Variants in CTBP2 observed in about 807,000 individuals in gnomAD.
The protein encoded by CTBP2 is C-terminal-binding protein 2.
In CTBP2, 30 loss-of-function variants were observed where a neutral mutation model predicts 80.3. That is an observed-to-expected ratio of 0.37 (90% CI 0.28 to 0.51). CTBP2 has a LOEUF of 0.51. Among genes scored for constraint, CTBP2 ranks in the 20% least tolerant of loss-of-function variants. CTBP2 has a pLI of 0.93. For synonymous variants in CTBP2, 594 were observed against 587.4 expected (o/e 1.01, Z -0.16); for missense variants, 1,212 against 1,375.3 (o/e 0.88, Z 1.88).
chr10:124,996,040 ATTTC>A (rs1953464481), intron 4 of CTBP2: 3 of 105,410 alleles, frequency 2.8e-5, no homozygotes, highest in South Asian at 3.2e-4. Flanking sequence ...GCCGACGGCT[ATTTC>A]TTTGTTTTTT....
At chr10:125,109,881 G>C (rs1414593774) in intron 2 of CTBP2, among the ~76,000 whole-genome samples, 2 of 152,260 alleles carry the variant, frequency 1.3e-5, no homozygotes, top group Non-Finnish European at 2.9e-5. Context: ...GCAATATTTG[G>C]AGGTCTAGGT....
intron 1 of CTBP2, among the ~76,000 whole-genome samples, chr10:125,014,845 A>G (rs1956307705): frequency 6.6e-6 from 1 of 152,258 alleles, no homozygotes; most frequent in Non-Finnish European, 1.5e-5. Flanking sequence ...AGCCACCAGC[A>G]GCCGCCTTGG....
At chr10:125,115,414 C>G (rs2135969936) in intron 1 of CTBP2, among the ~76,000 whole-genome samples, 1 of 152,268 alleles carries the variant, frequency 6.6e-6, no homozygotes, top group East Asian at 1.9e-4. Flanking sequence ...TGGGAAGGGA[C>G]AAGGGAAAGA....
chr10:125,004,905 G>A (rs1955026137), intron 1 of CTBP2, among the ~76,000 whole-genome samples: 1 of 151,982 alleles, frequency 6.6e-6, no homozygotes, highest in Non-Finnish European at 1.5e-5. Context: ...TCATCTGTGT[G>A]GCCTCGCCTT....
At position 125,010,219 on chromosome 10, in the gene CTBP2, T is replaced by TTA. The variant is rs552007928; in HGVS notation, c.1679-6728_1679-6727insTA. On this transcript the variant is annotated intron_variant, in intron 1 of 8. Coordinates refer to ENST00000309035, the MANE Select transcript of CTBP2 (RefSeq NM_022802.3). ...GCTAAGAGTGGCACTATTTTAAGGT[T>TTA]AAAAAAAAAAAAAAAAAAAAAAAGC... Among the ~76,000 whole-genome samples, 686 of 105,998 alleles carry TTA rather than the reference T, an allele frequency of 6.5e-3. 9 individuals are homozygous for TTA. Among genetic ancestry groups the TTA allele is most frequent in the African/African-American group, 0.024 (655 of 27,228 alleles). 69.5% of individuals were successfully genotyped at this position (105,998 alleles called of 152,430 possible). A position where few individuals can be genotyped will look rare whatever the true frequency, so the allele number is the denominator to read the frequency against.
At chr10:125,017,389 C>A (rs970805715) in intron 1 of CTBP2, among the ~76,000 whole-genome samples, 7 of 152,188 alleles carry the variant, frequency 4.6e-5, no homozygotes, top group Non-Finnish European at 8.8e-5. Flanking sequence ...CAGTGTGATT[C>A]TTCTATGTGA....
At chr10:124,993,824 GCTC>G in intron 6 of CTBP2, 28 bp downstream of exon 8, 1 of 1,598,006 alleles carries the variant, frequency 6.3e-7, no homozygotes, top group East Asian at 2.2e-5. Context: ...GGCCCTGTGG[GCTC>G]CTGGTAGGCG....
chr10:125,039,223 G>A, intron 2 of CTBP2, 68 bp from the exon 3 acceptor site: 4 of 555,562 alleles, frequency 7.2e-6, no homozygotes, highest in Non-Finnish European at 1.3e-5. Flanking sequence ...AGCTCACTGG[G>A]GACTTAACTG....
chr10:124,994,027 G>T (rs746225572), intron 5 of CTBP2, 42 bp from the exon 8 acceptor site: 7 of 1,611,032 alleles, frequency 4.3e-6, no homozygotes, highest in Non-Finnish European at 5.9e-6. Flanking sequence ...ACACTGGCAT[G>T]GTGGAAGACT....
chr10:125,116,449 C>T (rs1406155699), intron 1 of CTBP2, among the ~76,000 whole-genome samples: 1 of 152,166 alleles, frequency 6.6e-6, no homozygotes. Context: ...CACACTCTGC[C>T]CCTCCTCCCA....
At chr10:125,104,120 G>A (rs1851074361) in intron 2 of CTBP2, among the ~76,000 whole-genome samples, 2 of 152,172 alleles carry the variant, frequency 1.3e-5, no homozygotes, top group Non-Finnish European at 1.5e-5. Context: ...AAGACAGCAC[G>A]GTACCGTTCC....
At chr10:125,063,345 T>C (rs564432270) in intron 2 of CTBP2, among the ~76,000 whole-genome samples, 1 of 152,254 alleles carries the variant, frequency 6.6e-6, no homozygotes, top group African/African-American at 2.4e-5. Flanking sequence ...GCCACATACG[T>C]GTTTTACCCC....
At chr10:125,114,743 G>T (rs974418834) in intron 1 of CTBP2, among the ~76,000 whole-genome samples, 23 of 151,978 alleles carry the variant, frequency 1.5e-4, no homozygotes, top group Non-Finnish European at 3.1e-4. Context: ...AACTCATAGC[G>T]TTCTTTCAGA....
intron 2 of CTBP2, among the ~76,000 whole-genome samples, chr10:125,076,642 C>A (rs1846314817): frequency 6.6e-6 from 1 of 152,244 alleles, no homozygotes; most frequent in African/African-American, 2.4e-5. Flanking sequence ...TGCCACCGAC[C>A]TGACGTGGAA....
intron 3 of CTBP2, among the ~76,000 whole-genome samples, chr10:125,033,273 C>G (rs1219054063): frequency 6.6e-6 from 1 of 152,224 alleles, no homozygotes; most frequent in Non-Finnish European, 1.5e-5. Flanking sequence ...CACAGCCCAG[C>G]TGGGGTGCTC....
chr10:125,076,335 T>C (rs1846268244), intron 2 of CTBP2, among the ~76,000 whole-genome samples: 1 of 152,154 alleles, frequency 6.6e-6, no homozygotes. Context: ...TAGCCCCAGC[T>C]CAACCACTTT....
chr10:124,995,505 C>G (rs11245456), intron 4 of CTBP2, among the ~76,000 whole-genome samples: 27,961 of 152,216 alleles, frequency 0.18, 3,320 homozygotes, highest in South Asian at 0.3. Context: ...ATCTTTAAAG[C>G]CATGGCTCCA....
At chr10:125,150,892 ACT>A (rs1859721150) in intron 1 of CTBP2, among the ~76,000 whole-genome samples, 1 of 146,134 alleles carries the variant, frequency 6.8e-6, no homozygotes, top group Admixed American at 7.1e-5. Context: ...CGTGGGTCAG[ACT>A]CTGGATCACA....
intron 2 of CTBP2, among the ~76,000 whole-genome samples, chr10:125,051,709 C>T (rs976797453): frequency 1.3e-5 from 2 of 151,742 alleles, no homozygotes; most frequent in African/African-American, 4.8e-5. Context: ...AGGTCACACA[C>T]TGACTGTTAC....
Sources: allele counts gnomAD v4.1 joint callset (sites outside exome capture counted in the v4.1 genomes callset), GRCh38; gene constraint gnomAD v4.1.1; transcripts MANE v1.5; gene names NCBI Gene and HGNC (gene_info 2026-07-23, HGNC 2026-07-21).